The following ADHFE1 variants were observed in gnomAD, a reference collection of about 807,000 sequenced individuals.
ADHFE1 encodes the protein alcohol dehydrogenase iron containing 1, also known as hydroxyacid-oxoacid transhydrogenase, mitochondrial.
A neutral mutation model predicts 54.8 loss-of-function variants in ADHFE1; 37 were observed. The ratio of observed to expected loss-of-function variants is 0.68; its 90% CI spans 0.52 to 0.89. The LOEUF (loss-of-function observed/expected upper bound fraction) is 0.89, where lower values mean the gene tolerates loss of function less well. Among genes scored for constraint, ADHFE1 ranks in the 40% least tolerant of loss-of-function variants. The pLI, the probability that ADHFE1 is intolerant of heterozygous loss-of-function variation, is 0.00. For missense variants in ADHFE1, 601 were observed against 591.2 expected, an observed-to-expected ratio of 1.02 and a Z score of -0.17; for synonymous variants, 203 against 229.3, an observed-to-expected ratio of 0.89 and a Z score of 1.04.
At position 66,452,338 on chromosome 8, in the gene ADHFE1, G is replaced by A. The variant is rs867036267; in HGVS notation, c.887+233G>A. ...GCAAAGGCAGCCAGGGGACAAACTA[G>A]GAGCCAAGCTAGGATGAGGGGTGGT... On this transcript the variant is annotated intron_variant, in intron 9 of 13. Transcript: ENST00000396623. Among the ~76,000 whole-genome samples, 3 of 152,224 alleles carry A rather than the reference G, an allele frequency of 2.0e-5. No homozygotes were observed. The South Asian group carries it at 6.2e-4, about 32-fold the overall frequency.
intron 13 of ADHFE1, among the ~76,000 whole-genome samples, chr8:66,464,952 G>A (rs1435319028): frequency 2.0e-5 from 3 of 152,180 alleles, no homozygotes; most frequent in African/African-American, 7.2e-5. Flanking sequence ...CCTCATGTAA[G>A]TGAAATCATA....
At chr8:66,466,305 C>T (rs886503779) in intron 13 of ADHFE1, among the ~76,000 whole-genome samples, 19 of 148,510 alleles carry the variant, frequency 1.3e-4, no homozygotes, top group Non-Finnish European at 2.1e-4. Flanking sequence ...AGGCTGGTCT[C>T]GAACTCCTGA....
intron 6 of ADHFE1, among the ~76,000 whole-genome samples, chr8:66,446,253 A>G (rs1417150708): frequency 6.6e-5 from 10 of 152,236 alleles, no homozygotes; most frequent in Admixed American, 6.5e-4. Context: ...AAACTGTGTC[A>G]GCATCACACA....
intron 13 of ADHFE1, among the ~76,000 whole-genome samples, chr8:66,461,364 C>G (rs1241460117): frequency 6.6e-6 from 1 of 152,168 alleles, no homozygotes; most frequent in East Asian, 1.9e-4. Flanking sequence ...ACAGAGTTAG[C>G]AGCTGAAACA....
intron 2 of ADHFE1, among the ~76,000 whole-genome samples, chr8:66,441,172 A>G (rs186374523): frequency 2.7e-4 from 41 of 152,370 alleles, no homozygotes; most frequent in South Asian, 1.0e-3. Flanking sequence ...ATTTACAGAA[A>G]GATATTCTCA....
chr8:66,454,727 T>G (rs1157395472), intron 10 of ADHFE1, among the ~76,000 whole-genome samples: 3 of 152,118 alleles, frequency 2.0e-5, no homozygotes, highest in African/African-American at 7.2e-5. Context: ...TTTCTTTTTT[T>G]TTTTAAGATG....
rs1002105639 is a variant in ADHFE1 at position 66,452,752 on chromosome 8, G to A, written c.887+647G>A. On this transcript the variant is annotated intron_variant, in intron 9 of 13. Transcript: ENST00000396623. ...TCCTAAGAGGTTGTGACAGATTTAT[G>A]AATACAAGTATATACATACATGTAT... Among the ~76,000 whole-genome samples the A allele has an allele frequency of 4.6e-5, 7 of 152,184 alleles. No individual in the cohort carries two copies. In the East Asian group the frequency reaches 1.3e-3, roughly 29 times the overall value.
intron 10 of ADHFE1, among the ~76,000 whole-genome samples, chr8:66,456,076 C>A (rs1806571046): frequency 6.6e-6 from 1 of 152,112 alleles, no homozygotes; most frequent in South Asian, 2.1e-4. Context: ...GAAGTCGAGG[C>A]TGCATTGAGC....
intron 13 of ADHFE1, 103 bp downstream of exon 13, chr8:66,460,568 C>T (rs1806843608): frequency 2.1e-6 from 3 of 1,417,668 alleles, no homozygotes; most frequent in African/African-American, 2.9e-5. Flanking sequence ...ACCAGGGCTC[C>T]CCGGTGGTTC....
chr8:66,460,610 G>A, intron 13 of ADHFE1, 145 bp downstream of exon 13: 1 of 954,204 alleles, frequency 1.0e-6, no homozygotes, highest in Admixed American at 3.1e-5. Flanking sequence ...CAGCAGTTCT[G>A]TCCTTTCCTG....
chr8:66,456,810 T>A lies in ADHFE1; in HGVS notation c.987-7T>A, dbSNP rs769441395. The A allele has an allele frequency of 6.2e-7, 1 of 1,605,122 alleles. No individual in the cohort carries two copies. Among genetic ancestry groups the A allele is most frequent in the Non-Finnish European group, 8.5e-7 (1 of 1,173,550 alleles). Reference sequence around the variant, plus strand: ...GTATGAACATAAGGATTTTCTTTCTTTTCTAGCCATGGAATGTCTTACCCA... The same window carrying A: ...GTATGAACATAAGGATTTTCTTTCTATTCTAGCCATGGAATGTCTTACCCA... On this transcript the variant is annotated splice_polypyrimidine_tract_variant and splice_region_variant and intron_variant, in intron 10 of 13. Coordinates refer to ENST00000396623, the MANE Select transcript of ADHFE1 (RefSeq NM_144650.3).
rs754620957 is a variant in ADHFE1 at position 66,444,412 on chromosome 8, G to A, written c.190G>A (p.Val64Ile). 6.2e-7 allele frequency: 1 copy of A among 1,614,112 alleles called. No individual in the cohort carries two copies. The highest frequency in any genetic ancestry group is 8.5e-7 in the Non-Finnish European group (1 of 1,179,988). Residue 64 changes from valine to isoleucine, a missense_variant, in exon 4 of 14, where the codon GTA becomes ATA. Physicochemically the swap from Val to Ile is conservative, Grantham distance 29. Transcript: ENST00000396623. ...IRYGAAVTKEVGMDLKNMGAK... is the reference protein window; with the variant it reads ...IRYGAAVTKEIGMDLKNMGAK... The stretch of plus-strand genomic sequence containing the variant: ...ATATGGAGCAGCAGTTACAAAGGAA[G>A]TAGGAATGGCAAGTATTCGAGATGT...
chr8:66,446,787 A>C (rs1202964631), intron 6 of ADHFE1, among the ~76,000 whole-genome samples: 1 of 152,196 alleles, frequency 6.6e-6, no homozygotes, highest in African/African-American at 2.4e-5. Flanking sequence ...ATGCATGCTA[A>C]CACATACAGA....
intron 8 of ADHFE1, among the ~76,000 whole-genome samples, chr8:66,451,284 A>G (rs1806286221): frequency 6.6e-6 from 1 of 152,234 alleles, no homozygotes; most frequent in Non-Finnish European, 1.5e-5. Flanking sequence ...CAGGCCAAGA[A>G]TTAATAATAA....
Position 66,439,011 on chromosome 8 carries a change from TCCAACCAAAG to T in ADHFE1, c.60-1148_60-1139del, listed in dbSNP as rs1182381914. 6.6e-6 allele frequency among the ~76,000 whole-genome samples: 1 copy of T among 151,666 alleles called. No homozygotes were observed. Among genetic ancestry groups the T allele is most frequent in the Admixed American group, 6.6e-5 (1 of 15,220 alleles). On this transcript the variant is annotated intron_variant, in intron 1 of 13. Transcript: ENST00000396623. This position sits in a 1 kb window ranked among gnomAD's most constrained non-coding sequence, Gnocchi z 4.4. Reference sequence around the variant, plus strand: ...AGAGGGCATAAAGCAGGGAAAGTCTTCCAACCAAAGCCCACCGTGAAGGGACAAGCCTGGC... The same window carrying T: ...AGAGGGCATAAAGCAGGGAAAGTCTTCCCACCGTGAAGGGACAAGCCTGGC...
At chr8:66,447,485 CA>C (rs1257806200) in intron 7 of ADHFE1, 144 bp downstream of exon 7, 5 of 681,248 alleles carry the variant, frequency 7.3e-6, no homozygotes, top group Non-Finnish European at 1.2e-5. Flanking sequence ...CGAAAGTCAG[CA>C]ACAAAGTATT....
At position 66,452,197 on chromosome 8, in the gene ADHFE1, A is replaced by G. The variant is rs550478536; in HGVS notation, c.887+92A>G. On this transcript the variant is annotated intron_variant, in intron 9 of 13. Coordinates refer to ENST00000396623, the MANE Select transcript of ADHFE1 (RefSeq NM_144650.3). ...ACATGCCTGAGCCTGAAATATCCTG[A>G]GCAGGTCTGTTCCAGAAAAGCAGTC... The G allele has an allele frequency of 6.2e-5, 92 of 1,494,090 alleles. No individual in the cohort carries two copies. The African/African-American group carries it at 1.1e-3, about 18-fold the overall frequency. The allele number at this position is 1,494,090 out of a possible 1,614,324, so 92.6% of individuals were successfully genotyped here.
intron 8 of ADHFE1, among the ~76,000 whole-genome samples, chr8:66,450,021 G>A (rs1806220463): frequency 6.6e-6 from 1 of 152,184 alleles, no homozygotes; most frequent in African/African-American, 2.4e-5. Flanking sequence ...TACAGTGACT[G>A]TCACATCCTA....
At chr8:66,454,294 T>C in intron 10 of ADHFE1, 137 bp downstream of exon 10, 1 of 762,842 alleles carries the variant, frequency 1.3e-6, no homozygotes, top group Non-Finnish European at 2.0e-6. Flanking sequence ...CCTAAATGTA[T>C]TCTTCTTTTT....
Sources: allele counts gnomAD v4.1 joint callset (sites outside exome capture counted in the v4.1 genomes callset), GRCh38; gene constraint gnomAD v4.1.1; non-coding constraint Gnocchi (gnomAD v3.1); transcripts MANE v1.5; gene names NCBI Gene and HGNC (gene_info 2026-07-23, HGNC 2026-07-21).